LUZP2: variants seen among roughly 807,000 people sequenced by gnomAD.
LUZP2 encodes leucine zipper protein 2.
A neutral mutation model predicts 51.6 loss-of-function variants in LUZP2; 52 were observed. The observed-to-expected ratio is 1.01, with a 90% CI of 0.81 to 1.27. LUZP2 has a LOEUF of 1.27. LUZP2 is among the 50% of genes most tolerant of loss of function. The probability of loss-of-function intolerance (pLI) is 0.00; values close to 1 mark genes in which losing one functional copy is unlikely to be tolerated. For missense variants in LUZP2, 436 were observed against 395.4 expected, an observed-to-expected ratio of 1.10 and a Z score of -0.87; for synonymous variants, 154 against 137.3, an observed-to-expected ratio of 1.12 and a Z score of -0.85.
chr11:24,984,549 T>TATATAAAAAA (rs60530495), intron 9 of LUZP2, among the ~76,000 whole-genome samples: 16 of 71,224 alleles, frequency 2.2e-4, no homozygotes, highest in African/African-American at 7.7e-4. Flanking sequence ...TATATATATA[T>TATATAAAAAA]AATTGTGAAT....
chr11:24,843,971 G>A (rs534026771), intron 5 of LUZP2, among the ~76,000 whole-genome samples: 2 of 152,106 alleles, frequency 1.3e-5, no homozygotes, highest in Non-Finnish European at 2.9e-5. Context: ...CCAATCTCAG[G>A]TATGTCTTTA....
chr11:24,553,085 T>A (rs10767212), intron 1 of LUZP2, among the ~76,000 whole-genome samples: 1 of 151,234 alleles, frequency 6.6e-6, no homozygotes, highest in African/African-American at 2.4e-5. Context: ...ACGTTATTTT[T>A]GCAAAGACAA....
intron 9 of LUZP2, among the ~76,000 whole-genome samples, chr11:25,046,226 C>CAA (rs67542459): frequency 0.4 from 57,165 of 144,512 alleles, 13,781 homozygotes; most frequent in East Asian, 0.85. Flanking sequence ...AGTAATCCTC[C>CAA]AAAAAAAAAA....
chr11:24,717,215 A>G (rs1858081481), intron 1 of LUZP2, among the ~76,000 whole-genome samples: 1 of 152,130 alleles, frequency 6.6e-6, no homozygotes, highest in South Asian at 2.1e-4. Context: ...GTTAAAATTT[A>G]TTCAGCTAAC....
intron 9 of LUZP2, among the ~76,000 whole-genome samples, chr11:25,002,427 C>G (rs553004749): frequency 6.6e-6 from 1 of 152,228 alleles, no homozygotes; most frequent in East Asian, 1.9e-4. Flanking sequence ...GGGTTGAGGG[C>G]CATTGACATA....
At chr11:24,993,904 A>G in intron 9 of LUZP2, among the ~76,000 whole-genome samples, 1 of 152,022 alleles carries the variant, frequency 6.6e-6, no homozygotes, top group South Asian at 2.1e-4. Context: ...TCTGTTGCCC[A>G]GGCTGGAGTG....
intron 7 of LUZP2, among the ~76,000 whole-genome samples, chr11:24,967,924 A>G (rs1347522465): frequency 1.3e-5 from 2 of 152,074 alleles, no homozygotes; most frequent in East Asian, 3.9e-4. Context: ...GTGAGATTTT[A>G]TGTTGCGATG....
chr11:24,930,438 G>A (rs891322405), intron 7 of LUZP2, among the ~76,000 whole-genome samples: 2 of 152,026 alleles, frequency 1.3e-5, no homozygotes, highest in African/African-American at 2.4e-5. Flanking sequence ...TGGCAAAATC[G>A]CTCAGTATTG....
chr11:24,659,245 A>G (rs1263899505), intron 1 of LUZP2, among the ~76,000 whole-genome samples: 1 of 152,242 alleles, frequency 6.6e-6, no homozygotes, highest in Non-Finnish European at 1.5e-5. Context: ...GCAGCCATAA[A>G]AAATGATGAG....
chr11:25,044,002 T>C (rs1298002917), intron 9 of LUZP2, among the ~76,000 whole-genome samples: 1 of 147,500 alleles, frequency 6.8e-6, no homozygotes, highest in Non-Finnish European at 1.5e-5. Flanking sequence ...ATATATCTGA[T>C]ATATAGTCTA....
intron 5 of LUZP2, among the ~76,000 whole-genome samples, chr11:24,818,344 A>G (rs1331642819): frequency 6.6e-6 from 1 of 152,084 alleles, no homozygotes; most frequent in Non-Finnish European, 1.5e-5. Context: ...AGCCCAGTTG[A>G]AAACTGCTGG....
At chr11:24,786,624 T>TATAA in intron 5 of LUZP2, 5 of 98,904 alleles carry the variant, frequency 5.1e-5, no homozygotes, top group Non-Finnish European at 8.3e-5. Flanking sequence ...AATTATAATA[T>TATAA]ATGCATTTAT....
intron 1 of LUZP2, among the ~76,000 whole-genome samples, chr11:24,592,373 CA>C (rs1286423365): frequency 1.3e-5 from 2 of 152,002 alleles, no homozygotes; most frequent in African/African-American, 4.8e-5. Context: ...GTACTGTCAG[CA>C]TTAAAGTATT....
intron 9 of LUZP2, among the ~76,000 whole-genome samples, chr11:25,048,095 G>A (rs1218351869): frequency 6.6e-6 from 1 of 152,088 alleles, no homozygotes; most frequent in Non-Finnish European, 1.5e-5. Flanking sequence ...ACAGGCCTGA[G>A]GCACTGCACC....
chr11:24,739,447 C>G (rs1859056519), intron 4 of LUZP2, among the ~76,000 whole-genome samples: 1 of 152,024 alleles, frequency 6.6e-6, no homozygotes. Context: ...GACTTCTCAC[C>G]TCTGAGACGT....
intron 1 of LUZP2, among the ~76,000 whole-genome samples, chr11:24,544,218 G>C (rs937890588): frequency 1.3e-5 from 2 of 152,056 alleles, no homozygotes; most frequent in African/African-American, 2.4e-5. Context: ...GTAATTGCCT[G>C]TCCGGAGGTC....
intron 1 of LUZP2, among the ~76,000 whole-genome samples, chr11:24,661,098 C>A (rs1590312166): frequency 6.6e-6 from 1 of 152,018 alleles, no homozygotes; most frequent in African/African-American, 2.4e-5. Context: ...ACTTTAGCTA[C>A]CAATTCATAT....
At chr11:24,935,028 G>A (rs1487397499) in intron 7 of LUZP2, among the ~76,000 whole-genome samples, 2 of 152,166 alleles carry the variant, frequency 1.3e-5, no homozygotes, top group African/African-American at 4.8e-5. Flanking sequence ...GCTAAATAAT[G>A]TACAAGAATA....
At chr11:24,742,481 T>C (rs530356035) in intron 4 of LUZP2, among the ~76,000 whole-genome samples, 2 of 152,266 alleles carry the variant, frequency 1.3e-5, no homozygotes, top group Admixed American at 1.3e-4. Flanking sequence ...CATATGTTTA[T>C]TTGCAATTTG....
Sources: allele counts gnomAD v4.1 joint callset (sites outside exome capture counted in the v4.1 genomes callset), GRCh38; gene constraint gnomAD v4.1.1; transcripts MANE v1.5; gene names NCBI Gene and HGNC (gene_info 2026-07-23, HGNC 2026-07-21).